The following TEAD1 variants were observed in gnomAD, a reference collection of about 807,000 sequenced individuals.
TEAD1 encodes the protein transcriptional enhancer factor TEF-1.
A neutral mutation model predicts 54.9 loss-of-function variants in TEAD1; 9 were observed. The observed-to-expected ratio is 0.16, with a 90% CI of 0.10 to 0.29. The LOEUF is 0.29. Among genes scored for constraint, TEAD1 ranks in the 10% least tolerant of loss-of-function variants. The pLI is 1.00. For missense variants in TEAD1, 387 were observed against 535.9 expected (o/e 0.72, Z 2.74); for synonymous variants, 200 against 187.8 (o/e 1.07, Z -0.53).
chr11:12,928,563 C>T (rs1275453422), intron 11 of TEAD1, among the ~76,000 whole-genome samples: 1 of 152,108 alleles, frequency 6.6e-6, no homozygotes, highest in Non-Finnish European at 1.5e-5. Flanking sequence ...AGCTGTCACA[C>T]CCAACTATAT....
chr11:12,687,264 A>G (rs1411280952), intron 2 of TEAD1, among the ~76,000 whole-genome samples: 3 of 152,190 alleles, frequency 2.0e-5, no homozygotes, highest in Non-Finnish European at 2.9e-5. Context: ...TGGAAAACTT[A>G]TCTTATCATA....
intron 3 of TEAD1, among the ~76,000 whole-genome samples, chr11:12,832,860 G>A (rs1451395064): frequency 2.6e-5 from 4 of 151,696 alleles, no homozygotes; most frequent in African/African-American, 9.7e-5. Flanking sequence ...CCCTCTGTCT[G>A]ATTTGTACTG....
intron 9 of TEAD1, among the ~76,000 whole-genome samples, chr11:12,893,278 T>C (rs1948236486): frequency 6.6e-6 from 1 of 152,170 alleles, no homozygotes; most frequent in Admixed American, 6.5e-5. Flanking sequence ...CAGCAGGACG[T>C]AGGAGATGGA....
At chr11:12,745,640 CTG>C (rs1328451076) in intron 2 of TEAD1, among the ~76,000 whole-genome samples, 2 of 140,618 alleles carry the variant, frequency 1.4e-5, no homozygotes, top group Admixed American at 7.3e-5. Flanking sequence ...CAGAATACGG[CTG>C]TGTCTTATAA....
chr11:12,869,716 G>A (rs565828870), intron 5 of TEAD1, among the ~76,000 whole-genome samples: 2 of 151,972 alleles, frequency 1.3e-5, no homozygotes, highest in East Asian at 3.9e-4. Flanking sequence ...ACATTATTCT[G>A]TACTTTTTCC....
chr11:12,764,335 T>C lies in TEAD1; in HGVS notation c.103T>C (p.Trp35Arg), dbSNP rs1439284010. 6.2e-7 allele frequency: 1 copy of C among 1,614,212 alleles called. No homozygotes were observed. The highest frequency in any genetic ancestry group is 8.5e-7 in the Non-Finnish European group (1 of 1,180,026). Residue 35 changes from tryptophan to arginine, a missense_variant, in exon 3 of 13, where the codon TGG becomes CGG. Trp to Arg is a moderately radical substitution (Grantham distance 101, BLOSUM62 -3). Transcript: ENST00000527636. ...AATTGACAATGATGCAGAAGGGGTC[T>C]GGAGCCCCGACATCGAGCAAAGCTT...
intron 2 of TEAD1, among the ~76,000 whole-genome samples, chr11:12,725,321 A>G (rs1460137059): frequency 6.6e-6 from 1 of 152,210 alleles, no homozygotes; most frequent in African/African-American, 2.4e-5. Flanking sequence ...TCTTTATAAC[A>G]TTCATTCATT....
At chr11:12,680,726 A>G (rs959913306) in intron 2 of TEAD1, among the ~76,000 whole-genome samples, 1 of 152,188 alleles carries the variant, frequency 6.6e-6, no homozygotes, top group African/African-American at 2.4e-5. Context: ...CTACTGGGAT[A>G]GGGGGAGGAA....
chr11:12,711,171 A>G (rs1395605694), intron 2 of TEAD1, among the ~76,000 whole-genome samples: 1 of 152,090 alleles, frequency 6.6e-6, no homozygotes, highest in Admixed American at 6.5e-5. Context: ...GAAAGACGAG[A>G]GTCAGGGTAG....
intron 2 of TEAD1, among the ~76,000 whole-genome samples, chr11:12,716,553 T>A (rs576600579): frequency 6.6e-6 from 1 of 152,262 alleles, no homozygotes; most frequent in East Asian, 1.9e-4. Context: ...TCAGAAAACT[T>A]TTTCTGGTAT....
At chr11:12,897,006 T>G (rs531135853) in intron 9 of TEAD1, among the ~76,000 whole-genome samples, 2 of 151,980 alleles carry the variant, frequency 1.3e-5, no homozygotes, top group Non-Finnish European at 2.9e-5. Flanking sequence ...GGGGACTCTT[T>G]TGGAGAAGTC....
At chr11:12,906,458 G>A (rs944189878) in intron 10 of TEAD1, among the ~76,000 whole-genome samples, 3 of 151,480 alleles carry the variant, frequency 2.0e-5, no homozygotes, top group East Asian at 1.9e-4. Context: ...GGAGAATGGC[G>A]TGAACCTGGG....
intron 3 of TEAD1, among the ~76,000 whole-genome samples, chr11:12,804,234 C>T (rs911392874): frequency 2.0e-5 from 3 of 152,148 alleles, no homozygotes; most frequent in Admixed American, 6.5e-5. Flanking sequence ...TTGCAAAATA[C>T]GGCTTTGAAT....
At chr11:12,850,765 A>G (rs1315431288) in intron 3 of TEAD1, among the ~76,000 whole-genome samples, 1 of 152,218 alleles carries the variant, frequency 6.6e-6, no homozygotes, top group Non-Finnish European at 1.5e-5. Context: ...CCAAATAATT[A>G]ATAAATAGAG....
At chr11:12,686,584 T>C (rs1185004742) in intron 2 of TEAD1, among the ~76,000 whole-genome samples, 1 of 152,178 alleles carries the variant, frequency 6.6e-6, no homozygotes, top group Non-Finnish European at 1.5e-5. Flanking sequence ...TGGTTTGTAC[T>C]GTATGAAATT....
At chr11:12,929,729 T>A (rs971835387) in intron 11 of TEAD1, among the ~76,000 whole-genome samples, 2 of 152,148 alleles carry the variant, frequency 1.3e-5, no homozygotes, top group African/African-American at 4.8e-5. Flanking sequence ...GGGCTCATGA[T>A]CCGTGAGAAA....
chr11:12,920,361 CAG>C (rs1225982111), intron 10 of TEAD1, among the ~76,000 whole-genome samples: 1 of 152,192 alleles, frequency 6.6e-6, no homozygotes, highest in Non-Finnish European at 1.5e-5. Context: ...TATATATTGA[CAG>C]ATTATTTTTT....
intron 11 of TEAD1, among the ~76,000 whole-genome samples, chr11:12,926,387 G>A (rs1157119870): frequency 1.3e-5 from 2 of 152,146 alleles, no homozygotes; most frequent in Non-Finnish European, 2.9e-5. Flanking sequence ...TAGGGGTCAT[G>A]AGCTTTCCCA....
intron 3 of TEAD1, among the ~76,000 whole-genome samples, chr11:12,845,998 G>C (rs1334779296): frequency 6.6e-6 from 1 of 152,252 alleles, no homozygotes; most frequent in Admixed American, 6.5e-5. Flanking sequence ...CCCTTTGCTA[G>C]CTTTGATCTG....
Sources: gnomAD v4.1 joint callset for allele counts (sites outside exome capture counted in the v4.1 genomes callset) on GRCh38, gnomAD v4.1.1 for gene constraint, MANE v1.5 for transcripts, NCBI Gene and HGNC (gene_info 2026-07-23, HGNC 2026-07-21) for gene names.